Variants in ANK1 observed in about 807,000 individuals in gnomAD.
ANK1 encodes ankyrin-1.
In ANK1, 51 loss-of-function variants were observed where a neutral mutation model predicts 210.4. The observed-to-expected ratio is 0.24, with a 90% CI of 0.19 to 0.31. The LOEUF (loss-of-function observed/expected upper bound fraction) is 0.31. ANK1 is among the 10% of genes least tolerant of loss of function. The probability of loss-of-function intolerance (pLI) is 1.00; values close to 1 mark genes in which losing one functional copy is unlikely to be tolerated. For missense variants in ANK1, 2,051 were observed against 2,504.4 expected, an observed-to-expected ratio of 0.82 and a Z score of 3.86; for synonymous variants, 967 against 1,025.9, an observed-to-expected ratio of 0.94 and a Z score of 1.10.
Position 41,774,632 on chromosome 8 carries a change from A to G in ANK1, c.28-16495T>C, listed in dbSNP as rs530779793. ...AGAGAGCAATTGTTTCCTCAGTCCC[A>G]AGGCAGCGAAGCAGACAGCTCTTCA... On this transcript the variant is annotated intron_variant, in intron 1 of 42. Coordinates refer to ENST00000289734, the MANE Select transcript of ANK1 (RefSeq NM_000037.4). Among the ~76,000 whole-genome samples, 19 of 152,340 alleles carry G rather than the reference A, an allele frequency of 1.2e-4. No homozygotes were observed. In the East Asian group the frequency reaches 3.3e-3, roughly 26 times the overall value.
intron 1 of ANK1, among the ~76,000 whole-genome samples, chr8:41,838,173 G>A (rs1479878320): frequency 1.3e-5 from 2 of 152,198 alleles, no homozygotes; most frequent in Admixed American, 6.5e-5. Context: ...CTCACACTGA[G>A]GATACTGGAG....
chr8:41,723,034 T>A, intron 9 of ANK1, 91 bp downstream of exon 9: 1 of 1,158,756 alleles, frequency 8.6e-7, no homozygotes, highest in Non-Finnish European at 1.3e-6. Context: ...AGTATTAGCA[T>A]CTCTGTTTTA....
At chr8:41,857,322 G>A (rs113828228) in intron 1 of ANK1, among the ~76,000 whole-genome samples, 1,967 of 151,502 alleles carry the variant, frequency 0.013, 34 homozygotes, top group African/African-American at 0.045. Context: ...TAGTGGCCGG[G>A]CGCGGTGGCT....
intron 1 of ANK1, among the ~76,000 whole-genome samples, chr8:41,894,888 C>G (rs1001082089): frequency 6.6e-6 from 1 of 152,098 alleles, no homozygotes; most frequent in African/African-American, 2.4e-5. Context: ...TCTGATTCAT[C>G]ATCGGTTTGA....
intron 1 of ANK1, chr8:41,839,996 T>C (rs1808555938): frequency 6.6e-6 from 1 of 152,208 alleles, no homozygotes. Context: ...TGTACAAGCT[T>C]TGCAATTTTT....
At chr8:41,821,399 C>T (rs1042716488) in intron 1 of ANK1, among the ~76,000 whole-genome samples, 4 of 152,082 alleles carry the variant, frequency 2.6e-5, no homozygotes, top group African/African-American at 9.7e-5. Context: ...TGTACGTGGT[C>T]ATCTCCTTTA....
At chr8:41,787,667 A>G (rs1846696512) in intron 1 of ANK1, among the ~76,000 whole-genome samples, 1 of 152,236 alleles carries the variant, frequency 6.6e-6, no homozygotes, top group South Asian at 2.1e-4. Context: ...GGAGACAGAA[A>G]GAAGAAAAAA....
At chr8:41,754,253 A>G (rs760181754) in intron 2 of ANK1, among the ~76,000 whole-genome samples, 3 of 152,226 alleles carry the variant, frequency 2.0e-5, no homozygotes, top group Non-Finnish European at 4.4e-5. Context: ...AGTGCAAACA[A>G]TAAATTTTAA....
intron 34 of ANK1, 58 bp downstream of exon 34, chr8:41,688,453 C>A: frequency 1.9e-6 from 3 of 1,585,672 alleles, no homozygotes; most frequent in Non-Finnish European, 2.6e-6. Context: ...GGGAGATGAG[C>A]TCACGCCCAC....
chr8:41,658,930 A>G (rs1363964292), intron 42 of ANK1, among the ~76,000 whole-genome samples: 1 of 150,888 alleles, frequency 6.6e-6, no homozygotes, highest in African/African-American at 2.5e-5. Flanking sequence ...AAATAAATAA[A>G]TAAATAGTCG....
At chr8:41,823,659 G>A (rs1313249904) in intron 1 of ANK1, among the ~76,000 whole-genome samples, 1 of 151,924 alleles carries the variant, frequency 6.6e-6, no homozygotes, top group Non-Finnish European at 1.5e-5. Flanking sequence ...AGCTACTCAG[G>A]AGGTTGAGGT....
intron 1 of ANK1, among the ~76,000 whole-genome samples, chr8:41,886,118 C>T (rs79564025): frequency 0.053 from 8,083 of 152,248 alleles, 534 homozygotes; most frequent in African/African-American, 0.14. Context: ...TTTAAGTCTT[C>T]ATCTATTTAC....
intron 1 of ANK1, among the ~76,000 whole-genome samples, chr8:41,827,765 C>T (rs1219702830): frequency 6.9e-6 from 1 of 145,016 alleles, no homozygotes; most frequent in East Asian, 1.9e-4. Flanking sequence ...CACTCACACA[C>T]CCCACACACA....
At chr8:41,798,202 G>GC (rs59223145), upstream of ANK1, among the ~76,000 whole-genome samples, 4 of 151,950 alleles carry the variant, frequency 2.6e-5, no homozygotes, top group African/African-American at 4.8e-5. Context: ...CGGCCCCTCC[G>GC]CCCCCCGGGG....
At chr8:41,772,334 C>A (rs1025716514) in intron 1 of ANK1, among the ~76,000 whole-genome samples, 4 of 152,178 alleles carry the variant, frequency 2.6e-5, no homozygotes, top group African/African-American at 9.7e-5. Flanking sequence ...TAGCTTCACC[C>A]ATCTCTCCAA....
At chr8:41,748,905 G>C (rs1366375094) in intron 2 of ANK1, among the ~76,000 whole-genome samples, 3 of 152,000 alleles carry the variant, frequency 2.0e-5, no homozygotes, top group East Asian at 1.9e-4. Flanking sequence ...CGTGGTGGCG[G>C]GCACCTGTAG....
chr8:41,860,871 C>T (rs1489792628), intron 1 of ANK1, among the ~76,000 whole-genome samples: 3 of 152,340 alleles, frequency 2.0e-5, no homozygotes. Flanking sequence ...ACCATCCAGG[C>T]TGCACTGCTA....
chr8:41,862,400 C>A (rs1336911473), intron 1 of ANK1, among the ~76,000 whole-genome samples: 4 of 152,252 alleles, frequency 2.6e-5, no homozygotes, highest in South Asian at 2.1e-4. Flanking sequence ...ACAGAGAGAG[C>A]AAACGGAGGA....
chr8:41,672,255 A>C (rs1812644359), intron 38 of ANK1, 99 bp downstream of exon 38: 1 of 1,296,106 alleles, frequency 7.7e-7, no homozygotes, highest in Admixed American at 2.0e-5. Flanking sequence ...ACCCAGGGTC[A>C]GGGTTGGCAT....
Sources: allele counts gnomAD v4.1 joint callset (sites outside exome capture counted in the v4.1 genomes callset), GRCh38; gene constraint gnomAD v4.1.1; transcripts MANE v1.5; gene names NCBI Gene and HGNC (gene_info 2026-07-23, HGNC 2026-07-21).